The following PCDHGA5 variants were observed in gnomAD, a reference collection of about 807,000 sequenced individuals.
The protein encoded by PCDHGA5 is protocadherin gamma-A5.
In PCDHGA5, 36 loss-of-function variants were observed where a neutral mutation model predicts 56.7. The ratio of observed to expected loss-of-function variants is 0.64; its 90% CI spans 0.49 to 0.84. The LOEUF (loss-of-function observed/expected upper bound fraction) is 0.84. Ranked by LOEUF, PCDHGA5 falls within the 40% of genes least tolerant of loss-of-function variation. The pLI is 0.00. For synonymous variants in PCDHGA5, 563 were observed against 520.2 expected, an observed-to-expected ratio of 1.08 and a Z score of -1.12; for missense variants, 1,305 against 1,201.5, an observed-to-expected ratio of 1.09 and a Z score of -1.27.
intron 1 of PCDHGA5, chr5:141,393,081 A>T (rs1005323306): frequency 6.2e-7 from 1 of 1,613,672 alleles, no homozygotes; most frequent in South Asian, 1.1e-5. Flanking sequence ...CGCGGGCAGG[A>T]TAGATCGGGA....
chr5:141,410,158 G>A (rs755466762), intron 1 of PCDHGA5: 1 of 1,613,398 alleles, frequency 6.2e-7, no homozygotes, highest in Admixed American at 1.7e-5. Flanking sequence ...GTGGACAGCC[G>A]CCACTCTCTG....
intron 1 of PCDHGA5, among the ~76,000 whole-genome samples, chr5:141,442,843 G>C (rs1264073611): frequency 2.0e-5 from 3 of 152,134 alleles, no homozygotes; most frequent in African/African-American, 7.2e-5. Flanking sequence ...GACAAATCTT[G>C]GCCATTGTAG....
intron 1 of PCDHGA5, among the ~76,000 whole-genome samples, chr5:141,488,541 T>C (rs2099676694): frequency 6.6e-6 from 1 of 152,184 alleles, no homozygotes; most frequent in South Asian, 2.1e-4. Flanking sequence ...CTAAGTCCCA[T>C]GTCAGCTGAC....
chr5:141,473,193 A>G (rs938175797), intron 1 of PCDHGA5, among the ~76,000 whole-genome samples: 2 of 152,232 alleles, frequency 1.3e-5, no homozygotes, highest in African/African-American at 4.8e-5. Flanking sequence ...GAGTAAATGT[A>G]TCTTCTAAAA....
At chr5:141,483,122 A>G (rs1159736878) in intron 1 of PCDHGA5, among the ~76,000 whole-genome samples, 1 of 152,166 alleles carries the variant, frequency 6.6e-6, no homozygotes, top group Non-Finnish European at 1.5e-5. Context: ...CAGTCTTTGT[A>G]GGAGATGAGG....
chr5:141,510,804 T>C (rs965530116), intron 3 of PCDHGA5, 143 bp from the exon 4 acceptor site: 2 of 1,504,768 alleles, frequency 1.3e-6, no homozygotes, highest in Admixed American at 2.0e-5. Flanking sequence ...AGAGACTACC[T>C]TGGTGACCCC....
At chr5:141,437,104 T>C (rs539232057) in intron 1 of PCDHGA5, among the ~76,000 whole-genome samples, 1 of 152,338 alleles carries the variant, frequency 6.6e-6, no homozygotes, top group African/African-American at 2.4e-5. Flanking sequence ...GGCTTAGCTT[T>C]AGGATTTTTA....
rs776008188 is a variant in PCDHGA5, at chr5:141,376,058, A to T, written c.2421+9307A>T. The T allele has an allele frequency of 4.3e-6, 7 of 1,613,282 alleles. No homozygotes were observed. In the East Asian group the frequency reaches 1.3e-4, roughly 31 times the overall value. ...CCAGCCCCCTCTCTCCGCCACTGTC[A>T]CGCTCACCGTGGCCGTGGCCGACAG... On this transcript the variant is annotated intron_variant, in intron 1 of 3. Transcript: ENST00000518069.
At chr5:141,414,242 T>TA in intron 1 of PCDHGA5, 2 of 1,613,538 alleles carry the variant, frequency 1.2e-6, no homozygotes, top group Non-Finnish European at 1.7e-6. Context: ...ATCACGTCTC[T>TA]ATTTAGTCCA....
chr5:141,385,126 A>G lies in PCDHGA5; in HGVS notation c.2421+18375A>G. The G allele has an allele frequency of 6.2e-7, 1 of 1,614,206 alleles. No individual in the cohort carries two copies. The highest frequency in any genetic ancestry group is 1.1e-5 in the South Asian group (1 of 91,090). On this transcript the variant is annotated intron_variant, in intron 1 of 3. Coordinates refer to ENST00000518069, the MANE Select transcript of PCDHGA5 (RefSeq NM_018918.3). Reference sequence around the variant, plus strand: ...CGTGCCCACCTCGCACTTTGTGGGCATGGACGGGGTGCAGGCTTTCCTGCA... The same window carrying G: ...CGTGCCCACCTCGCACTTTGTGGGCGTGGACGGGGTGCAGGCTTTCCTGCA...
chr5:141,380,318 T>G (rs751911275), intron 1 of PCDHGA5, among the ~76,000 whole-genome samples: 1 of 151,992 alleles, frequency 6.6e-6, no homozygotes, highest in Non-Finnish European at 1.5e-5. Context: ...AGAATGAAAA[T>G]CTAAATGGAA....
In PCDHGA5 at chr5:141,461,484, T is replaced by C. The variant is rs1171584384; in HGVS notation, c.2422-33323T>C. On this transcript the variant is annotated intron_variant, in intron 1 of 3. Transcript: ENST00000518069. ...GTCCTTTGCCTACTTTTTAATGGGATTGTGTTTTATTTTTCTTGGTGATTT... is the reference window on the plus strand; with the variant it reads ...GTCCTTTGCCTACTTTTTAATGGGACTGTGTTTTATTTTTCTTGGTGATTT... 2.6e-5 allele frequency among the ~76,000 whole-genome samples: 4 copies of C among 152,152 alleles called. No homozygotes were observed. In the East Asian group the frequency reaches 7.7e-4, roughly 29 times the overall value.
chr5:141,366,023 C>T lies in PCDHGA5; in HGVS notation c.1693C>T (p.Pro565Ser), dbSNP rs762756042. 4 of 1,614,122 alleles carry T rather than the reference C, an allele frequency of 2.5e-6. No homozygotes were observed. Among genetic ancestry groups the T allele is most frequent in the Non-Finnish European group, 1.7e-6 (2 of 1,180,052 alleles). ...QNDNTPEILY[P>S]ALPTDGSTGV... is the part of the protein sequence containing the mutation. ...CGACAATACGCCTGAGATCCTGTAC[C>T]CCGCCCTCCCCACAGACGGTTCCAC... The change falls in exon 1 of 4, where the codon CCC becomes TCC. Residue 565 changes from proline (P) to serine (S), a missense_variant. Physicochemically the swap from Pro to Ser is moderately conservative, Grantham distance 74. Transcript: ENST00000518069.
chr5:141,476,584 C>T lies in PCDHGA5; in HGVS notation c.2422-18223C>T. 6.2e-7 allele frequency: 1 copy of T among 1,614,218 alleles called. No individual in the cohort carries two copies. The highest frequency in any genetic ancestry group is 8.5e-7 in the Non-Finnish European group (1 of 1,180,042). ...TGGCTCCGGGGACGCGCTTTCCGCTCGAGAGCGCGCACGATCCCGATGTGG... is the reference window on the plus strand; with the variant it reads ...TGGCTCCGGGGACGCGCTTTCCGCTTGAGAGCGCGCACGATCCCGATGTGG... On this transcript the variant is annotated intron_variant, in intron 1 of 3. Coordinates refer to ENST00000518069, the MANE Select transcript of PCDHGA5 (RefSeq NM_018918.3). The surrounding 1 kb of genome is among the most constrained non-coding windows in gnomAD (Gnocchi z 7.6).
Position 141,489,493 on chromosome 5 carries a change from G to A in PCDHGA5, c.2422-5314G>A, listed in dbSNP as rs1485293604. ...CCTGAGCTTGATGAGTGGTGCCCTG[G>A]CAGTGAATCAAAAGATTGACCGAGA... On this transcript the variant is annotated intron_variant, in intron 1 of 3. Coordinates refer to ENST00000518069, the MANE Select transcript of PCDHGA5 (RefSeq NM_018918.3). The surrounding 1 kb of genome is among the most constrained non-coding windows in gnomAD (Gnocchi z 4.5). The A allele has an allele frequency of 1.2e-6, 2 of 1,613,960 alleles. No homozygotes were observed. Among genetic ancestry groups the A allele is most frequent in the Non-Finnish European group, 1.7e-6 (2 of 1,180,038 alleles).
In PCDHGA5 at chr5:141,511,032, G is replaced by A; in HGVS notation, c.2655G>A (p.Gln885=). 1.2e-6 allele frequency: 2 copies of A among 1,614,228 alleles called. No homozygotes were observed. The highest frequency in any genetic ancestry group is 2.2e-5 in the East Asian group (1 of 44,888). The change falls in exon 4 of 4, where the codon CAG becomes CAA. Residue 885 remains glutamine, a synonymous_variant. Transcript: ENST00000518069. Reference sequence around the variant, plus strand: ...GCTACGGACCCCAGTTCACCCTGCAGCACGTGCCCGACTACCGCCAGAATG... The same window carrying A: ...GCTACGGACCCCAGTTCACCCTGCAACACGTGCCCGACTACCGCCAGAATG... ...SARYGPQFTL[Q]HVPDYRQNVY...
intron 1 of PCDHGA5, chr5:141,376,346 C>T (rs1772586691): frequency 2.5e-6 from 4 of 1,614,194 alleles, no homozygotes; most frequent in East Asian, 4.5e-5. Context: ...GACCTATTCC[C>T]ACGAGGTCTC....
chr5:141,499,401 C>A lies in PCDHGA5; in HGVS notation c.2480+4536C>A, dbSNP rs115575614. ...TTCCACTTATAAAATAGTACATGCTCATTATAGAAACATGAAAAATAGAAA... is the reference window on the plus strand; with the variant it reads ...TTCCACTTATAAAATAGTACATGCTAATTATAGAAACATGAAAAATAGAAA... On this transcript the variant is annotated intron_variant, in intron 2 of 3. Coordinates refer to ENST00000518069, the MANE Select transcript of PCDHGA5 (RefSeq NM_018918.3). Among the ~76,000 whole-genome samples, 871 of 152,186 alleles carry A rather than the reference C, an allele frequency of 5.7e-3. 5 individuals are homozygous for A. Among genetic ancestry groups the A allele is most frequent in the African/African-American group, 0.02 (847 of 41,502 alleles).
chr5:141,502,027 C>T (rs547850211), intron 2 of PCDHGA5, among the ~76,000 whole-genome samples: 6 of 152,274 alleles, frequency 3.9e-5, no homozygotes, highest in African/African-American at 9.6e-5. Flanking sequence ...CTGCAACCCC[C>T]GCCGCTTGCC....
Sources: gnomAD v4.1 joint callset for allele counts (sites outside exome capture counted in the v4.1 genomes callset) on GRCh38, gnomAD v4.1.1 for gene constraint, Gnocchi (gnomAD v3.1) non-coding constraint, MANE v1.5 for transcripts, NCBI Gene and HGNC (gene_info 2026-07-23, HGNC 2026-07-21) for gene names.